The following MFAP5 variants were observed in gnomAD, a reference collection of about 807,000 sequenced individuals.
MFAP5 encodes microfibril associated protein 5, also known as microfibrillar-associated protein 5.
Under a neutral mutation model 30.1 loss-of-function variants are expected in MFAP5, and 19 were observed. The observed-to-expected ratio is 0.63, with a 90% CI of 0.44 to 0.93. The LOEUF (loss-of-function observed/expected upper bound fraction) is 0.93. Among genes scored for constraint, MFAP5 ranks in the 40% least tolerant of loss-of-function variants. The pLI is 0.00. For missense variants in MFAP5, 210 were observed against 221.3 expected (o/e 0.95, Z 0.32); for synonymous variants, 92 against 72.9 (o/e 1.26, Z -1.33).
At chr12:8,656,167 TCTC>T (rs1275584743) in intron 3 of MFAP5, among the ~76,000 whole-genome samples, 14 of 150,866 alleles carry the variant, frequency 9.3e-5, no homozygotes, top group Non-Finnish European at 1.5e-4. Context: ...TTCACATCAT[TCTC>T]CTGCCTCAGC....
At chr12:8,658,770 A>G (rs1167873270) in intron 3 of MFAP5, among the ~76,000 whole-genome samples, 1 of 151,814 alleles carries the variant, frequency 6.6e-6, no homozygotes, top group African/African-American at 2.4e-5. Flanking sequence ...AGCTATCACC[A>G]TATAAATGCT....
intron 9 of MFAP5, chr12:8,648,467 A>G: frequency 2.5e-6 from 3 of 1,194,484 alleles, no homozygotes; most frequent in Non-Finnish European, 3.3e-6. Flanking sequence ...TATTAAAATG[A>G]AATCATGTAT....
intron 3 of MFAP5, among the ~76,000 whole-genome samples, chr12:8,659,517 C>T (rs921886045): frequency 1.3e-4 from 20 of 152,048 alleles, no homozygotes; most frequent in Admixed American, 1.0e-3. Flanking sequence ...TCCTAATCAG[C>T]CCAGAAAAAT....
intron 3 of MFAP5, among the ~76,000 whole-genome samples, chr12:8,658,076 T>A (rs1942053332): frequency 6.6e-6 from 1 of 152,174 alleles, no homozygotes. Flanking sequence ...TGGCTGGGCT[T>A]CATGGTTCAT....
intron 3 of MFAP5, among the ~76,000 whole-genome samples, chr12:8,657,606 A>G (rs1016071574): frequency 6.6e-5 from 8 of 122,096 alleles, no homozygotes; most frequent in Non-Finnish European, 1.1e-4. Context: ...GTCTCGCCCT[A>G]TCGCCCAGGC....
chr12:8,654,909 C>G (rs1941940766), intron 5 of MFAP5, among the ~76,000 whole-genome samples: 1 of 147,292 alleles, frequency 6.8e-6, no homozygotes, highest in Admixed American at 6.9e-5. Flanking sequence ...CTGCTGCACT[C>G]TAGCCTGGGC....
intron 6 of MFAP5, chr12:8,651,898 T>C: frequency 1.8e-6 from 1 of 550,604 alleles, no homozygotes; most frequent in South Asian, 2.2e-5. Context: ...GGATGGGATT[T>C]TTTTCCTTTC....
chr12:8,656,056 A>ATTAT (rs1941972857), intron 3 of MFAP5, among the ~76,000 whole-genome samples: 1 of 138,090 alleles, frequency 7.2e-6, no homozygotes, highest in African/African-American at 2.9e-5. Flanking sequence ...GACATTCATA[A>ATTAT]TTCTTTTTTT....
chr12:8,661,431 T>C (rs1942146976), intron 2 of MFAP5, among the ~76,000 whole-genome samples: 1 of 152,212 alleles, frequency 6.6e-6, no homozygotes, highest in African/African-American at 2.4e-5. Context: ...TGTGTCAGTA[T>C]GGCATATATT....
At chr12:8,656,641 C>CACAT (rs1565526810) in intron 3 of MFAP5, among the ~76,000 whole-genome samples, 1 of 119,360 alleles carries the variant, frequency 8.4e-6, no homozygotes. Context: ...CACACACACA[C>CACAT]ACACACACAT....
At chr12:8,653,842 T>C (rs752663159) in intron 6 of MFAP5, among the ~76,000 whole-genome samples, 1 of 152,280 alleles carries the variant, frequency 6.6e-6, no homozygotes, top group African/African-American at 2.4e-5. Context: ...CAATAATGAT[T>C]TGTTAAAAAA....
intron 6 of MFAP5, among the ~76,000 whole-genome samples, chr12:8,654,009 C>A (rs980555916): frequency 1.3e-5 from 2 of 151,994 alleles, no homozygotes; most frequent in Non-Finnish European, 2.9e-5. Context: ...GCCTATAATT[C>A]CAGCCACTTG....
At chr12:8,660,608 T>C (rs1251215443) in intron 3 of MFAP5, among the ~76,000 whole-genome samples, 1 of 152,168 alleles carries the variant, frequency 6.6e-6, no homozygotes, top group African/African-American at 2.4e-5. Context: ...TCATAGAGGA[T>C]GTCTTGGGAA....
chr12:8,651,514 G>A (rs964467354), intron 7 of MFAP5, 148 bp downstream of exon 7: 1 of 772,564 alleles, frequency 1.3e-6, no homozygotes, highest in African/African-American at 1.8e-5. Flanking sequence ...TTAAAAAAAA[G>A]AGTAAGGGAG....
intron 6 of MFAP5, among the ~76,000 whole-genome samples, chr12:8,652,247 C>G (rs1024932067): frequency 2.6e-5 from 4 of 151,974 alleles, no homozygotes. Context: ...GAGTTTGAGA[C>G]CAGCCTGGCC....
chr12:8,654,051 A>G (rs758313819), intron 6 of MFAP5, among the ~76,000 whole-genome samples: 3 of 150,912 alleles, frequency 2.0e-5, no homozygotes, highest in Non-Finnish European at 4.4e-5. Flanking sequence ...GCTTGAACCC[A>G]GGAGGCGGAG....
At chr12:8,653,304 C>A (rs779816118) in intron 6 of MFAP5, among the ~76,000 whole-genome samples, 1 of 152,118 alleles carries the variant, frequency 6.6e-6, no homozygotes, top group Non-Finnish European at 1.5e-5. Context: ...TTCAGGGCAG[C>A]ATCTTTTACT....
chr12:8,650,228 A>G (rs1249718483), intron 8 of MFAP5: 4 of 410,542 alleles, frequency 9.7e-6, no homozygotes, highest in African/African-American at 8.0e-5. Flanking sequence ...CTATCAGGTA[A>G]TAAATTGAGC....
chr12:8,649,413 T>G, intron 9 of MFAP5, 88 bp downstream of exon 9: 1 of 1,226,822 alleles, frequency 8.2e-7, no homozygotes, highest in Non-Finnish European at 1.2e-6. Flanking sequence ...CCTCCTCTAG[T>G]ACCAGACTTT....
Sources: gnomAD v4.1 joint callset for allele counts (sites outside exome capture counted in the v4.1 genomes callset) on GRCh38, gnomAD v4.1.1 for gene constraint, MANE v1.5 for transcripts, NCBI Gene and HGNC (gene_info 2026-07-23, HGNC 2026-07-21) for gene names.